IL22RA2: variants seen among roughly 807,000 people sequenced by gnomAD.
The protein encoded by IL22RA2 is interleukin-22 receptor subunit alpha-2.
In IL22RA2, 39 loss-of-function variants were observed where a neutral mutation model predicts 30.7. The ratio of observed to expected loss-of-function variants is 1.27; its 90% CI spans 0.98 to 1.66. The LOEUF (loss-of-function observed/expected upper bound fraction) is 1.66, where lower values mean the gene tolerates loss of function less well. IL22RA2 is among the 40% of genes most tolerant of loss of function. The pLI, the probability that IL22RA2 is intolerant of heterozygous loss-of-function variation, is 0.00. For missense variants in IL22RA2, 315 were observed against 312.7 expected (o/e 1.01, Z -0.05); for synonymous variants, 103 against 105.0 (o/e 0.98, Z 0.11).
intron 1 of IL22RA2, among the ~76,000 whole-genome samples, chr6:137,172,692 A>G (rs1426649238): frequency 1.3e-5 from 2 of 152,212 alleles, no homozygotes; most frequent in Non-Finnish European, 2.9e-5. Flanking sequence ...TGACGGTGAC[A>G]ACGGGTATTT....
At chr6:137,165,091 T>A (rs933315335) in intron 1 of IL22RA2, among the ~76,000 whole-genome samples, 3 of 152,222 alleles carry the variant, frequency 2.0e-5, no homozygotes, top group Admixed American at 6.5e-5. Flanking sequence ...CAAGCACTCC[T>A]GATAGAGGCT....
chr6:137,170,842 A>G (rs1778719544), intron 1 of IL22RA2, among the ~76,000 whole-genome samples: 2 of 152,162 alleles, frequency 1.3e-5, no homozygotes, highest in African/African-American at 2.4e-5. Context: ...ACTTATGACA[A>G]GTATGTGTTC....
In IL22RA2 at chr6:137,161,827, C is replaced by A; in HGVS notation, c.-65-13G>T. ...ACCAAAGAGGAAACTGTAAAATCCACAAACAGACAATCACTCCCGGGTTTA... is the reference window on the plus strand; with the variant it reads ...ACCAAAGAGGAAACTGTAAAATCCAAAAACAGACAATCACTCCCGGGTTTA... On this transcript the variant is annotated splice_polypyrimidine_tract_variant and intron_variant, in intron 1 of 6. Transcript: ENST00000296980. 1 of 1,124,060 alleles carries A rather than the reference C, an allele frequency of 8.9e-7. No homozygotes were observed. The highest frequency in any genetic ancestry group is 1.3e-5 in the South Asian group (1 of 75,598). 69.6% of individuals were successfully genotyped at this position (1,124,060 alleles called of 1,614,324 possible).
At chr6:137,155,143 T>C in intron 4 of IL22RA2, 24 bp from the exon 5 acceptor site, 1 of 1,498,390 alleles carries the variant, frequency 6.7e-7, no homozygotes, top group Admixed American at 2.4e-5. Flanking sequence ...AAGGCAAAGA[T>C]CTGAGTTTCT....
In IL22RA2 at chr6:137,163,372, C is replaced by T. The variant is rs554967400; in HGVS notation, c.-65-1558G>A. 4.6e-5 allele frequency among the ~76,000 whole-genome samples: 7 copies of T among 152,194 alleles called. No individual in the cohort carries two copies. In the South Asian group the frequency reaches 1.5e-3, roughly 32 times the overall value. On this transcript the variant is annotated intron_variant, in intron 1 of 6. Coordinates refer to ENST00000296980, the MANE Select transcript of IL22RA2 (RefSeq NM_052962.3). ...ATCTTTGGTTGTCCCACAACATTTC[C>T]GGGGACCAGTCTGGGATTGGAGATG...
At position 137,145,480 on chromosome 6, in the gene IL22RA2, A is replaced by G. The variant is rs1778158934; in HGVS notation, c.*144T>C. 1 of 646,516 alleles carries G rather than the reference A, an allele frequency of 1.5e-6. No individual in the cohort carries two copies. The allele number at this position is 646,516 out of a possible 1,614,324, so 40.0% of individuals were successfully genotyped here. A position where few individuals can be genotyped will look rare whatever the true frequency, so the allele number is the denominator to read the frequency against. ...AATATAAAGGATAAAAGAATGGATAAACAAAGAAGTCCCCAAGGTGTAACA... is the reference window on the plus strand; with the variant it reads ...AATATAAAGGATAAAAGAATGGATAGACAAAGAAGTCCCCAAGGTGTAACA... On this transcript the variant is annotated 3_prime_UTR_variant, in exon 7 of 7. Coordinates refer to ENST00000296980, the MANE Select transcript of IL22RA2 (RefSeq NM_052962.3).
chr6:137,144,122 C>T lies in IL22RA2; in HGVS notation c.*1502G>A, dbSNP rs1399497195. On this transcript the variant is annotated 3_prime_UTR_variant, in exon 7 of 7. Transcript: ENST00000296980. ...CACTACTCTTAATTCATCGCCCTCT[C>T]CACAAAAGGACAAAAGGCAAAAAAG... The T allele has an allele frequency of 1.3e-5, 2 of 152,274 alleles. No homozygotes were observed. The highest frequency in any genetic ancestry group is 3.9e-4 in the East Asian group (2 of 5,194). The allele number at this position is 152,274 out of a possible 1,614,324, so 9.4% of individuals were successfully genotyped here.
In IL22RA2 at chr6:137,155,003, G is replaced by T. The variant is rs141572567; in HGVS notation, c.410C>A (p.Ala137Glu). The change falls in exon 5 of 7, where the codon GCG becomes GAG. Residue 137 changes from alanine to glutamate, a missense_variant. Ala to Glu is a moderately radical substitution (Grantham distance 107, BLOSUM62 -1). Transcript: ENST00000296980. ...TTCTGAGTAGCTCCCAGCCGAGGCC[G>T]CCCTCACCCTCCCGTAATAAGGTTC... ...IQEPYYGRVR[A>E]ASAGSYSEWS... is the part of the protein sequence containing the mutation. 1.9e-6 allele frequency: 3 copies of T among 1,614,000 alleles called. No individual in the cohort carries two copies. Among genetic ancestry groups the T allele is most frequent in the Non-Finnish European group, 8.5e-7 (1 of 1,179,902 alleles).
intron 5 of IL22RA2, among the ~76,000 whole-genome samples, chr6:137,152,582 G>A (rs1004012082): frequency 1.3e-5 from 2 of 152,192 alleles, no homozygotes; most frequent in Admixed American, 1.3e-4. Context: ...GATAGCCAAA[G>A]GGTATGGAGT....
At chr6:137,162,795 G>A (rs947196627) in intron 1 of IL22RA2, among the ~76,000 whole-genome samples, 9 of 152,148 alleles carry the variant, frequency 5.9e-5, no homozygotes, top group East Asian at 1.9e-4. Flanking sequence ...GAAACATTTC[G>A]TAGGGACTTA....
intron 1 of IL22RA2, among the ~76,000 whole-genome samples, chr6:137,167,749 C>CA (rs1476025060): frequency 1.3e-5 from 2 of 152,230 alleles, no homozygotes; most frequent in Non-Finnish European, 2.9e-5. Flanking sequence ...GACCACTCAA[C>CA]ATGGCTGATC....
intron 1 of IL22RA2, among the ~76,000 whole-genome samples, chr6:137,168,301 C>G (rs1266314180): frequency 6.6e-6 from 1 of 152,136 alleles, no homozygotes; most frequent in African/African-American, 2.4e-5. Context: ...TATGTTATGA[C>G]CCAGAGTTCT....
Position 137,163,423 on chromosome 6 carries a change from G to A in IL22RA2, c.-65-1609C>T, listed in dbSNP as rs146407561. Among the ~76,000 whole-genome samples the A allele has an allele frequency of 4.7e-3, 720 of 152,282 alleles. 9 individuals carry two copies. Among genetic ancestry groups the A allele is most frequent in the African/African-American group, 0.016 (682 of 41,568 alleles). ...GCAGATTTTCGTCTCCTTTGCCTGT[G>A]GGTTAGAGCCCCAGGACATGGGAAA... is the stretch of plus-strand genomic sequence containing the variant. On this transcript the variant is annotated intron_variant, in intron 1 of 6. Transcript: ENST00000296980.
In IL22RA2 at chr6:137,155,017, G is replaced by T. The variant is rs762290472; in HGVS notation, c.396C>A (p.Tyr132Ter). Residue 132 changes from tyrosine (Y) to a stop codon, truncating the protein, a stop_gained, in exon 5 of 7, where the codon TAC becomes TAA. Coordinates refer to ENST00000296980, the MANE Select transcript of IL22RA2 (RefSeq NM_052962.3). LOFTEE classifies it high-confidence loss of function. ...SETSDIQEPY[Y>*]GRVRAASAGS... Reference sequence around the variant, plus strand: ...CAGCCGAGGCCGCCCTCACCCTCCCGTAATAAGGTTCCTGTATGTCTGAGG... The same window carrying T: ...CAGCCGAGGCCGCCCTCACCCTCCCTTAATAAGGTTCCTGTATGTCTGAGG... 17 of 1,613,850 alleles carry T rather than the reference G, an allele frequency of 1.1e-5. No individual in the cohort carries two copies. Among genetic ancestry groups the T allele is most frequent in the African/African-American group, 2.7e-5 (2 of 74,900 alleles).
chr6:137,147,291 G>A (rs1778199417), intron 6 of IL22RA2, among the ~76,000 whole-genome samples: 2 of 147,530 alleles, frequency 1.4e-5, no homozygotes, highest in South Asian at 2.2e-4. Flanking sequence ...AAGCCCAGAA[G>A]TTAGAGGCTA....
chr6:137,145,490 T>C lies in IL22RA2; in HGVS notation c.*134A>G. 2 of 682,172 alleles carry C rather than the reference T, an allele frequency of 2.9e-6. No homozygotes were observed. Among genetic ancestry groups the C allele is most frequent in the Non-Finnish European group, 4.6e-6 (2 of 435,216 alleles). 42.3% of individuals were successfully genotyped at this position (682,172 alleles called of 1,614,324 possible). A position where few individuals can be genotyped will look rare whatever the true frequency, so the allele number is the denominator to read the frequency against. Reference sequence around the variant, plus strand: ...ATAAAAGAATGGATAAACAAAGAAGTCCCCAAGGTGTAACAGTGAATATTG... The same window carrying C: ...ATAAAAGAATGGATAAACAAAGAAGCCCCCAAGGTGTAACAGTGAATATTG... On this transcript the variant is annotated 3_prime_UTR_variant, in exon 7 of 7. Transcript: ENST00000296980.
At chr6:137,147,443 T>C (rs1778204068) in intron 6 of IL22RA2, among the ~76,000 whole-genome samples, 1 of 151,630 alleles carries the variant, frequency 6.6e-6, no homozygotes, top group Non-Finnish European at 1.5e-5. Context: ...AAATGAATAT[T>C]TGTGGCAGTC....
chr6:137,160,298 G>A (rs1778496639), intron 2 of IL22RA2, among the ~76,000 whole-genome samples: 1 of 152,232 alleles, frequency 6.6e-6, no homozygotes, highest in Non-Finnish European at 1.5e-5. Context: ...ACCAGGCACT[G>A]AGGGACTTTT....
At chr6:137,146,151 C>T (rs1389643462) in intron 6 of IL22RA2, among the ~76,000 whole-genome samples, 1 of 152,144 alleles carries the variant, frequency 6.6e-6, no homozygotes, top group Admixed American at 6.5e-5. Context: ...CGTGCCTCAG[C>T]CTCCTGAGTA....
Sources: allele counts gnomAD v4.1 joint callset (sites outside exome capture counted in the v4.1 genomes callset), GRCh38; gene constraint gnomAD v4.1.1; transcripts MANE v1.5; gene names NCBI Gene and HGNC (gene_info 2026-07-23, HGNC 2026-07-21).